Variants in PTK2B observed in about 807,000 individuals in gnomAD.
PTK2B encodes protein-tyrosine kinase 2-beta.
Under a neutral mutation model 142.9 loss-of-function variants are expected in PTK2B, and 71 were observed. That is an observed-to-expected ratio of 0.50 (90% CI 0.41 to 0.61). The LOEUF (loss-of-function observed/expected upper bound fraction) is 0.61. Ranked by LOEUF, PTK2B falls within the 20% of genes least tolerant of loss-of-function variation. The pLI is 0.00. For missense variants in PTK2B, 1,105 were observed against 1,320.4 expected (o/e 0.84, Z 2.53); for synonymous variants, 519 against 503.4 (o/e 1.03, Z -0.42).
chr8:27,401,115 G>A (rs1808359095), intron 2 of PTK2B, among the ~76,000 whole-genome samples: 1 of 149,312 alleles, frequency 6.7e-6, no homozygotes, highest in African/African-American at 2.4e-5. Context: ...CTCCAGCCCA[G>A]GTGACAGTGT....
In PTK2B at chr8:27,336,598, T is replaced by C. The variant is rs566745362; in HGVS notation, c.-38+10917T>C. ...TGTAGGATAATGTTGAATAGATTAT[T>C]TTAGCGATACATTTTCAATCACATG... On this transcript the variant is annotated intron_variant, in intron 1 of 30. Coordinates refer to ENST00000346049, the MANE Select transcript of PTK2B (RefSeq NM_173176.3). Among the ~76,000 whole-genome samples the C allele has an allele frequency of 7.9e-5, 12 of 152,362 alleles. No individual in the cohort carries two copies. The East Asian group carries it at 2.3e-3, about 29-fold the overall frequency.
At chr8:27,378,367 A>G (rs1272675291) in intron 1 of PTK2B, among the ~76,000 whole-genome samples, 1 of 152,230 alleles carries the variant, frequency 6.6e-6, no homozygotes. Flanking sequence ...CAGCCAAACA[A>G]TGAAGAAATA....
intron 30 of PTK2B, among the ~76,000 whole-genome samples, 193 bp from the exon 31 acceptor site, chr8:27,458,101 G>A (rs1008667911): frequency 6.6e-6 from 1 of 152,118 alleles, no homozygotes; most frequent in African/African-American, 2.4e-5. Context: ...TGAGATGTCT[G>A]TGATGTCAGT....
intron 4 of PTK2B, 69 bp from the exon 5 acceptor site, chr8:27,422,235 C>T (rs1219575730): frequency 2.1e-6 from 3 of 1,445,526 alleles, no homozygotes. Flanking sequence ...CCTTAATCTT[C>T]TGAGGCCTCT....
At position 27,430,949 on chromosome 8, in the gene PTK2B, T is replaced by C. The variant is rs1289067983; in HGVS notation, c.743T>C (p.Met248Thr). The C allele has an allele frequency of 6.2e-7, 1 of 1,614,176 alleles. No individual in the cohort carries two copies. Among genetic ancestry groups the C allele is most frequent in the South Asian group, 1.1e-5 (1 of 91,078 alleles). The change falls in exon 8 of 31, where the codon ATG becomes ACG. Residue 248 changes from methionine to threonine, a missense_variant. Physicochemically the swap from Met to Thr is moderately conservative, Grantham distance 81 (BLOSUM62 -1). Transcript: ENST00000346049. ...TCGCTCAGGGAGGAGGAGTGCGTCA[T>C]GAAGTTCTTCAACACTCTCGCCGGC... is the stretch of plus-strand genomic sequence containing the variant. Reference protein sequence around the residue: ...YASLREEECVMKFFNTLAGFA... With the variant: ...YASLREEECVTKFFNTLAGFA...
At chr8:27,449,076 T>C (rs1258322565) in intron 24 of PTK2B, among the ~76,000 whole-genome samples, 1 of 152,218 alleles carries the variant, frequency 6.6e-6, no homozygotes, top group African/African-American at 2.4e-5. Flanking sequence ...GAGATGCTGC[T>C]AAGCATCGTA....
chr8:27,415,771 T>A (rs971328077), intron 2 of PTK2B, among the ~76,000 whole-genome samples: 1 of 152,226 alleles, frequency 6.6e-6, no homozygotes, highest in Non-Finnish European at 1.5e-5. Flanking sequence ...CATTAATTTT[T>A]AAAAATAATT....
chr8:27,399,340 G>A (rs916422058), intron 2 of PTK2B, among the ~76,000 whole-genome samples: 2 of 152,226 alleles, frequency 1.3e-5, no homozygotes, highest in African/African-American at 2.4e-5. Flanking sequence ...CTTTCCAAGA[G>A]TGGGGAACAG....
At position 27,433,436 on chromosome 8, in the gene PTK2B, C is replaced by T; in HGVS notation, c.989C>T (p.Ala330Val). 1.2e-6 allele frequency: 2 copies of T among 1,613,428 alleles called. No homozygotes were observed. The highest frequency in any genetic ancestry group is 1.7e-6 in the Non-Finnish European group (2 of 1,179,370). Residue 330 changes from alanine to valine, a missense_variant and splice_region_variant, in exon 11 of 31, where the codon GCC becomes GTC. Physicochemically the swap from Ala to Val is moderately conservative, Grantham distance 64. Coordinates refer to ENST00000346049, the MANE Select transcript of PTK2B (RefSeq NM_173176.3). ...CCTTGGCTGGTCTCTGCTCCGCAGG[C>T]CTTGTCCATCAAAACCTCATCCCTA... ...LQLGIEGAPQALSIKTSSLAE... is the reference protein window; with the variant it reads ...LQLGIEGAPQVLSIKTSSLAE...
intron 2 of PTK2B, among the ~76,000 whole-genome samples, chr8:27,417,187 G>T (rs1267364507): frequency 6.6e-6 from 1 of 152,152 alleles, no homozygotes; most frequent in Non-Finnish European, 1.5e-5. Context: ...AATAGTCCAG[G>T]TGTTCGGAAG....
chr8:27,448,143 T>A (rs1811585271), intron 24 of PTK2B, among the ~76,000 whole-genome samples: 1 of 152,090 alleles, frequency 6.6e-6, no homozygotes, highest in African/African-American at 2.4e-5. Context: ...GAAACTGAGA[T>A]TCAGGGAATG....
rs77318377 is a variant in PTK2B at position 27,422,955 on chromosome 8, G to A, written c.551+572G>A. The stretch of plus-strand genomic sequence containing the variant: ...ATCCTGCCTGAGAGCATCAGCAAGA[G>A]GGTATCTGAATTGCCACTGGAAGGA... On this transcript the variant is annotated intron_variant, in intron 5 of 30. Transcript: ENST00000346049. Among the ~76,000 whole-genome samples, 1,486 of 152,246 alleles carry A rather than the reference G, an allele frequency of 9.8e-3. 17 individuals are homozygous for A. Among genetic ancestry groups the A allele is most frequent in the African/African-American group, 0.033 (1,350 of 41,528 alleles).
chr8:27,362,023 C>T (rs1041436694), intron 1 of PTK2B, among the ~76,000 whole-genome samples: 1 of 152,218 alleles, frequency 6.6e-6, no homozygotes, highest in Admixed American at 6.5e-5. Context: ...TACTAACCAA[C>T]CTGACTGGGT....
intron 1 of PTK2B, among the ~76,000 whole-genome samples, chr8:27,332,828 T>C (rs1007781708): frequency 6.6e-6 from 1 of 152,176 alleles, no homozygotes; most frequent in African/African-American, 2.4e-5. Flanking sequence ...GCAATTCTGC[T>C]TCGGCCTCCC....
Position 27,356,750 on chromosome 8 carries a change from C to T in PTK2B, c.-38+31069C>T, listed in dbSNP as rs541897262. 1.2e-3 allele frequency among the ~76,000 whole-genome samples: 189 copies of T among 152,302 alleles called. 2 individuals carry two copies. The highest frequency in any genetic ancestry group is 1.2e-3 in the Non-Finnish European group (80 of 68,026). On this transcript the variant is annotated intron_variant, in intron 1 of 30. Coordinates refer to ENST00000346049, the MANE Select transcript of PTK2B (RefSeq NM_173176.3). The stretch of plus-strand genomic sequence containing the variant: ...AATGAAAATGAACAAACTATTGACA[C>T]GGGCAACGACCTGGATGGATCTCAA...
In PTK2B at chr8:27,437,200, G is replaced by A. The variant is rs1224076907; in HGVS notation, c.1420G>A (p.Glu474Lys). ...TLDNKEKFMS[E>K]AVIMKNLDHP... is the part of the protein sequence containing the mutation. ...GGACAACAAGGAGAAGTTCATGAGCGAGGCAGGTAGGGACCCCTGAGACCA... is the reference window on the plus strand; with the variant it reads ...GGACAACAAGGAGAAGTTCATGAGCAAGGCAGGTAGGGACCCCTGAGACCA... The change falls in exon 16 of 31, where the codon GAG becomes AAG. Residue 474 changes from glutamate (E) to lysine (K), a missense_variant. Coordinates refer to ENST00000346049, the MANE Select transcript of PTK2B (RefSeq NM_173176.3). 2.5e-6 allele frequency: 4 copies of A among 1,613,642 alleles called. No individual in the cohort carries two copies. The highest frequency in any genetic ancestry group is 1.3e-5 in the African/African-American group (1 of 74,904).
Position 27,365,154 on chromosome 8 carries a change from T to A in PTK2B, c.-37-32394T>A, listed in dbSNP as rs1232507339. Among the ~76,000 whole-genome samples the A allele has an allele frequency of 2.6e-5, 4 of 152,224 alleles. No individual in the cohort carries two copies. The East Asian group carries it at 7.7e-4, about 29-fold the overall frequency. On this transcript the variant is annotated intron_variant, in intron 1 of 30. Transcript: ENST00000346049. Reference sequence around the variant, plus strand: ...AGATGAAATTAACTTTCTTCACCCATGCTGCTCCCCAGACATAATTTCATG... The same window carrying A: ...AGATGAAATTAACTTTCTTCACCCAAGCTGCTCCCCAGACATAATTTCATG...
chr8:27,311,713 A>G (rs1802979606), intron 1 of PTK2B: 1 of 163,640 alleles, frequency 6.1e-6, no homozygotes, highest in South Asian at 1.8e-4. Context: ...AAGCACCGTG[A>G]GTGCAATCAC....
chr8:27,439,127 C>A lies in PTK2B; in HGVS notation c.1740C>A (p.Tyr580Ter). ...GGTACATTGAGGACGAGGACTATTA[C>A]AAAGGTGAGGGGGCTTCCCAGCCTC... is the stretch of plus-strand genomic sequence containing the variant. ...LSRYIEDEDYYKASVTRLPIK... is the reference protein window; with the variant it reads ...LSRYIEDEDY The change falls in exon 19 of 31, where the codon TAC (tyrosine) becomes TAA (stop). Residue 580 changes from tyrosine (Y) to a stop codon, truncating the protein, a stop_gained. Coordinates refer to ENST00000346049, the MANE Select transcript of PTK2B (RefSeq NM_173176.3). LOFTEE classifies it high-confidence loss of function. 1.9e-6 allele frequency: 3 copies of A among 1,613,044 alleles called. No homozygotes were observed. Among genetic ancestry groups the A allele is most frequent in the Non-Finnish European group, 2.5e-6 (3 of 1,179,008 alleles).
Sources: gnomAD v4.1 joint callset for allele counts (sites outside exome capture counted in the v4.1 genomes callset) on GRCh38, gnomAD v4.1.1 for gene constraint, MANE v1.5 for transcripts, NCBI Gene and HGNC (gene_info 2026-07-23, HGNC 2026-07-21) for gene names.